Variants in AGPS observed in about 807,000 individuals in gnomAD.
AGPS encodes alkylglycerone phosphate synthase.
A neutral mutation model predicts 90.7 loss-of-function variants in AGPS; 26 were observed. The observed-to-expected ratio is 0.29, with a 90% CI of 0.21 to 0.40. The LOEUF (loss-of-function observed/expected upper bound fraction) is 0.40, where lower values mean the gene tolerates loss of function less well. AGPS is among the 10% of genes least tolerant of loss of function. AGPS has a pLI of 1.00. For synonymous variants in AGPS, 294 were observed against 285.3 expected (o/e 1.03, Z -0.31); for missense variants, 540 against 816.1 (o/e 0.66, Z 4.12).
chr2:177,440,892 G>A (rs552966562), intron 5 of AGPS, 73 bp from the exon 6 acceptor site: 2 of 1,278,818 alleles, frequency 1.6e-6, no homozygotes, highest in East Asian at 2.3e-5. Context: ...GAATTTCGTA[G>A]GTTCTTATTT....
At chr2:177,530,027 TTTG>T (rs1463503108) in intron 19 of AGPS, among the ~76,000 whole-genome samples, 1 of 152,246 alleles carries the variant, frequency 6.6e-6, no homozygotes, top group Non-Finnish European at 1.5e-5. Context: ...TGTTTGTTTG[TTTG>T]TTTTTAATAA....
chr2:177,494,269 T>A (rs2105706548), intron 12 of AGPS, among the ~76,000 whole-genome samples: 1 of 152,346 alleles, frequency 6.6e-6, no homozygotes, highest in East Asian at 1.9e-4. Flanking sequence ...GTCAGGTTCG[T>A]AACATATTAA....
At chr2:177,413,464 A>G (rs1243984249) in intron 1 of AGPS, among the ~76,000 whole-genome samples, 1 of 152,216 alleles carries the variant, frequency 6.6e-6, no homozygotes. Flanking sequence ...TTTAATTACT[A>G]ACAAGCATGG....
intron 10 of AGPS, among the ~76,000 whole-genome samples, chr2:177,474,453 C>T (rs1381235495): frequency 6.6e-6 from 1 of 152,202 alleles, no homozygotes; most frequent in East Asian, 1.9e-4. Context: ...AGCTGAAGAG[C>T]CCAGGCTTCT....
At chr2:177,479,074 G>A (rs971279600) in intron 10 of AGPS, among the ~76,000 whole-genome samples, 1 of 152,124 alleles carries the variant, frequency 6.6e-6, no homozygotes, top group African/African-American at 2.4e-5. Flanking sequence ...CTGAACCACG[G>A]CTCAGGAGTT....
intron 17 of AGPS, among the ~76,000 whole-genome samples, chr2:177,516,017 C>T (rs986561857): frequency 1.3e-5 from 2 of 152,074 alleles, no homozygotes; most frequent in Non-Finnish European, 2.9e-5. Flanking sequence ...TTATCAGGTG[C>T]TATGCTCACT....
intron 1 of AGPS, among the ~76,000 whole-genome samples, chr2:177,407,657 G>A (rs978296618): frequency 1.3e-5 from 2 of 152,026 alleles, no homozygotes; most frequent in Non-Finnish European, 2.9e-5. Flanking sequence ...CTCCAGCCCC[G>A]GGGACTGCAA....
chr2:177,410,958 A>G (rs1316104942), intron 1 of AGPS, among the ~76,000 whole-genome samples: 1 of 152,154 alleles, frequency 6.6e-6, no homozygotes, highest in Non-Finnish European at 1.5e-5. Context: ...AATCTTTTTT[A>G]AAGTGTCCTT....
At chr2:177,522,205 C>T (rs548211354) in intron 18 of AGPS, among the ~76,000 whole-genome samples, 1 of 152,124 alleles carries the variant, frequency 6.6e-6, no homozygotes, top group East Asian at 1.9e-4. Flanking sequence ...ATATCATTCC[C>T]AAAAGTCTGA....
At chr2:177,414,940 A>G (rs1234008134) in intron 1 of AGPS, among the ~76,000 whole-genome samples, 1 of 110,048 alleles carries the variant, frequency 9.1e-6, no homozygotes, top group East Asian at 2.6e-4. Flanking sequence ...TATAATATAC[A>G]TATATGATGA....
At chr2:177,409,338 A>G (rs1434166784) in intron 1 of AGPS, among the ~76,000 whole-genome samples, 2 of 151,582 alleles carry the variant, frequency 1.3e-5, no homozygotes, top group African/African-American at 4.9e-5. Flanking sequence ...TGGGGTTTAT[A>G]TCCCAATCAT....
At chr2:177,408,113 T>C (rs1439475590) in intron 1 of AGPS, among the ~76,000 whole-genome samples, 1 of 152,204 alleles carries the variant, frequency 6.6e-6, no homozygotes, top group Non-Finnish European at 1.5e-5. Flanking sequence ...TGTCACCTTA[T>C]GCATTAGGAA....
intron 8 of AGPS, among the ~76,000 whole-genome samples, chr2:177,457,127 A>G (rs753674661): frequency 2.6e-5 from 4 of 152,214 alleles, no homozygotes; most frequent in African/African-American, 7.2e-5. Context: ...AGAAATAAAG[A>G]TGTTCTTTGA....
chr2:177,465,950 C>G (rs777298609), intron 9 of AGPS, among the ~76,000 whole-genome samples: 2 of 152,230 alleles, frequency 1.3e-5, no homozygotes, highest in Non-Finnish European at 2.9e-5. Context: ...TGTCCCACAT[C>G]CAGGAAGAAT....
chr2:177,487,611 C>A lies in AGPS; in HGVS notation c.1233+5425C>A, dbSNP rs529626899. Among the ~76,000 whole-genome samples, 312 of 152,260 alleles carry A rather than the reference C, an allele frequency of 2.0e-3. 1 individual carries two copies. Among genetic ancestry groups the A allele is most frequent in the African/African-American group, 7.2e-3 (298 of 41,546 alleles). ...CAGGTTTAGCACTTACCTTATAAAA[C>A]ACTTAAAACTTCTTTTTATTCAACA... On this transcript the variant is annotated intron_variant, in intron 11 of 19. Coordinates refer to ENST00000264167, the MANE Select transcript of AGPS (RefSeq NM_003659.4).
intron 13 of AGPS, among the ~76,000 whole-genome samples, chr2:177,498,625 AT>A (rs140657607): frequency 0.12 from 17,902 of 150,658 alleles, 1,166 homozygotes; most frequent in Middle Eastern, 0.14. Flanking sequence ...CTAAATGAGA[AT>A]TTAAAAAAAA....
At chr2:177,405,082 A>C (rs1685429545) in intron 1 of AGPS, among the ~76,000 whole-genome samples, 1 of 152,234 alleles carries the variant, frequency 6.6e-6, no homozygotes, top group African/African-American at 2.4e-5. Flanking sequence ...CCAGAAAGCC[A>C]TCAGGTTTCT....
At chr2:177,435,011 A>AGG (rs1234848453) in intron 3 of AGPS, among the ~76,000 whole-genome samples, 2 of 146,168 alleles carry the variant, frequency 1.4e-5, no homozygotes, top group East Asian at 2.0e-4. Flanking sequence ...ATATATATAT[A>AGG]TATATATATA....
At chr2:177,443,716 C>T (rs555823145) in intron 7 of AGPS, among the ~76,000 whole-genome samples, 4 of 152,308 alleles carry the variant, frequency 2.6e-5, no homozygotes, top group African/African-American at 9.6e-5. Context: ...CCCCATTAAC[C>T]TATCTCCTTA....
Sources: gnomAD v4.1 joint callset for allele counts (sites outside exome capture counted in the v4.1 genomes callset) on GRCh38, gnomAD v4.1.1 for gene constraint, MANE v1.5 for transcripts, NCBI Gene and HGNC (gene_info 2026-07-23, HGNC 2026-07-21) for gene names.